The following PTPN13 variants were observed in gnomAD, a reference collection of about 807,000 sequenced individuals.
The protein encoded by PTPN13 is tyrosine-protein phosphatase non-receptor type 13.
A neutral mutation model predicts 284.0 loss-of-function variants in PTPN13; 191 were observed. The observed-to-expected ratio is 0.67, with a 90% CI of 0.60 to 0.76. The LOEUF (loss-of-function observed/expected upper bound fraction) is 0.76, where lower values mean the gene tolerates loss of function less well. PTPN13 is among the 30% of genes least tolerant of loss of function. PTPN13 has a pLI of 0.00. For synonymous variants in PTPN13, 986 were observed against 1,022.3 expected, an observed-to-expected ratio of 0.96 and a Z score of 0.68; for missense variants, 2,797 against 2,939.9, an observed-to-expected ratio of 0.95 and a Z score of 1.12.
chr4:86,652,599 T>C (rs1725224178), intron 2 of PTPN13, among the ~76,000 whole-genome samples: 1 of 152,196 alleles, frequency 6.6e-6, no homozygotes, highest in Admixed American at 6.5e-5. Flanking sequence ...TCCTGGCCTA[T>C]GAGGTGTCCA....
chr4:86,812,371 A>C (rs989074143), intron 47 of PTPN13, among the ~76,000 whole-genome samples: 3 of 152,094 alleles, frequency 2.0e-5, no homozygotes, highest in Non-Finnish European at 4.4e-5. Context: ...TCAGTGAATA[A>C]AACAAAGATC....
chr4:86,621,075 G>A (rs1306923061), intron 1 of PTPN13, among the ~76,000 whole-genome samples: 1 of 152,074 alleles, frequency 6.6e-6, no homozygotes, highest in Non-Finnish European at 1.5e-5. Context: ...TGGATCTTGT[G>A]CTTCCAGTTT....
chr4:86,800,949 A>G (rs1319603845), intron 42 of PTPN13, among the ~76,000 whole-genome samples: 3 of 152,204 alleles, frequency 2.0e-5, no homozygotes, highest in African/African-American at 7.2e-5. Flanking sequence ...TTAACCTTTT[A>G]GGTGTCTTGT....
chr4:86,759,053 CAAAAG>C lies in PTPN13; in HGVS notation c.3540_3544del (p.Glu1180AspfsTer14), dbSNP rs1738356320. The stretch of plus-strand genomic sequence containing the variant: ...GATGTGACACTTGTTATCTCTCAGC[CAAAAG>C]AAAAGATATCCAAAGGTAATGTGAA... On this transcript the variant is annotated frameshift_variant, in exon 23 of 48. Coordinates refer to ENST00000411767, the MANE Select transcript of PTPN13 (RefSeq NM_080683.3). LOFTEE classifies it high-confidence loss of function. 2 of 1,613,140 alleles carry C rather than the reference CAAAAG, an allele frequency of 1.2e-6. No individual in the cohort carries two copies. The highest frequency in any genetic ancestry group is 1.1e-5 in the South Asian group (1 of 90,962).
intron 35 of PTPN13, among the ~76,000 whole-genome samples, chr4:86,778,789 A>T (rs1740938767): frequency 6.6e-6 from 1 of 152,044 alleles, no homozygotes; most frequent in Admixed American, 6.6e-5. Flanking sequence ...AAATTTACAG[A>T]TTTTTTTAAC....
intron 2 of PTPN13, among the ~76,000 whole-genome samples, chr4:86,646,880 A>G (rs1578328539): frequency 6.6e-6 from 1 of 152,230 alleles, no homozygotes; most frequent in South Asian, 2.1e-4. Context: ...GCTACACATC[A>G]ATAAAAAGGA....
At chr4:86,641,158 C>T (rs1288368283) in intron 2 of PTPN13, among the ~76,000 whole-genome samples, 2 of 152,060 alleles carry the variant, frequency 1.3e-5, no homozygotes, top group Admixed American at 6.6e-5. Context: ...ACTCTTGTAA[C>T]GAATTGAAAT....
Position 86,737,229 on chromosome 4 carries a change from C to T in PTPN13, c.2304+1483C>T, listed in dbSNP as rs977655223. The stretch of plus-strand genomic sequence containing the variant: ...TTCCAGCCTAAGTAACAGAACAAGA[C>T]CCCATCTCAAATAAAATAAAATAAA... On this transcript the variant is annotated intron_variant, in intron 15 of 47. Transcript: ENST00000411767. Among the ~76,000 whole-genome samples the T allele has an allele frequency of 2.0e-5, 3 of 148,428 alleles. No individual in the cohort carries two copies. The South Asian group carries it at 6.5e-4, about 32-fold the overall frequency.
chr4:86,633,640 A>G (rs977694914), intron 1 of PTPN13, among the ~76,000 whole-genome samples: 3 of 152,168 alleles, frequency 2.0e-5, no homozygotes, highest in African/African-American at 7.2e-5. Flanking sequence ...TCTCAGACAT[A>G]TTACTTTGGA....
At position 86,750,710 on chromosome 4, in the gene PTPN13, G is replaced by C; in HGVS notation, c.2891G>C (p.Arg964Thr). 6.2e-7 allele frequency: 1 copy of C among 1,613,770 alleles called. No homozygotes were observed. Among genetic ancestry groups the C allele is most frequent in the Non-Finnish European group, 8.5e-7 (1 of 1,179,794 alleles). The change falls in exon 18 of 48, where the codon AGA (arginine) becomes ACA (threonine). Residue 964 changes from arginine (R) to threonine (T), a missense_variant. Arg to Thr is a moderately conservative substitution (Grantham distance 71). Transcript: ENST00000411767. Reference sequence around the variant, plus strand: ...AAAGCTTCATGGGAGGAAAAGCCTAGAGAGATGAGTAAATCATACCATGAT... The same window carrying C: ...AAAGCTTCATGGGAGGAAAAGCCTACAGAGATGAGTAAATCATACCATGAT... ...NDKASWEEKPREMSKSYHDLS... is the reference protein window; with the variant it reads ...NDKASWEEKPTEMSKSYHDLS...
intron 5 of PTPN13, among the ~76,000 whole-genome samples, chr4:86,692,802 A>C (rs1730166399): frequency 6.6e-6 from 1 of 152,160 alleles, no homozygotes. Flanking sequence ...TTTCTCGGCC[A>C]GGCATAGTGG....
intron 12 of PTPN13, among the ~76,000 whole-genome samples, chr4:86,733,352 C>G (rs1202158208): frequency 1.3e-5 from 2 of 152,028 alleles, no homozygotes; most frequent in Non-Finnish European, 2.9e-5. Flanking sequence ...AATTCATCTC[C>G]TTTTTAAATA....
In PTPN13 at chr4:86,814,632, C is replaced by T. The variant is rs967205400; in HGVS notation, c.*81C>T. The T allele has an allele frequency of 1.3e-5, 14 of 1,116,590 alleles. No individual in the cohort carries two copies. The highest frequency in any genetic ancestry group is 3.1e-5 in the African/African-American group (2 of 64,208). 69.2% of individuals were successfully genotyped at this position (1,116,590 alleles called of 1,614,324 possible). ...CCTGCTCTCTATCCAAAATAAAGAT[C>T]ACAGAGCAGCAAGTTCATACAACAT... On this transcript the variant is annotated 3_prime_UTR_variant, in exon 48 of 48. Transcript: ENST00000411767.
chr4:86,735,762 T>G lies in PTPN13; in HGVS notation c.2304+16T>G. On this transcript the variant is annotated intron_variant, in intron 15 of 47. Coordinates refer to ENST00000411767, the MANE Select transcript of PTPN13 (RefSeq NM_080683.3). ...ATTTTTAAAGGTAAGCATCCAAGAT[T>G]ACAAATGATAAGCTTTGTATCTTTT... The G allele has an allele frequency of 6.2e-7, 1 of 1,601,162 alleles. No individual in the cohort carries two copies. The highest frequency in any genetic ancestry group is 8.5e-7 in the Non-Finnish European group (1 of 1,174,548).
intron 1 of PTPN13, among the ~76,000 whole-genome samples, chr4:86,603,292 T>C (rs1764470878): frequency 6.8e-6 from 1 of 147,886 alleles, no homozygotes; most frequent in African/African-American, 2.5e-5. Context: ...TTTACCCTTC[T>C]GAAGTGTCTA....
At chr4:86,618,999 C>G (rs1025020440) in intron 1 of PTPN13, among the ~76,000 whole-genome samples, 4 of 152,124 alleles carry the variant, frequency 2.6e-5, no homozygotes, top group African/African-American at 9.7e-5. Context: ...GCATCCCTGT[C>G]TTGTGCCAGT....
intron 1 of PTPN13, among the ~76,000 whole-genome samples, chr4:86,612,423 T>G (rs1406322404): frequency 6.6e-6 from 1 of 152,184 alleles, no homozygotes; most frequent in Non-Finnish European, 1.5e-5. Context: ...GAACAGAATA[T>G]CTGAGCTGTG....
intron 1 of PTPN13, among the ~76,000 whole-genome samples, chr4:86,627,592 A>C (rs957393771): frequency 2.0e-5 from 3 of 151,986 alleles, no homozygotes; most frequent in Non-Finnish European, 2.9e-5. Flanking sequence ...TAATTTGTTA[A>C]GTTTTGACAT....
chr4:86,639,263 A>C (rs866563883), intron 2 of PTPN13, among the ~76,000 whole-genome samples: 1 of 151,634 alleles, frequency 6.6e-6, no homozygotes, highest in Non-Finnish European at 1.5e-5. Context: ...GTGGAAGTCA[A>C]TGTGGCGATT....
Sources: allele counts gnomAD v4.1 joint callset (sites outside exome capture counted in the v4.1 genomes callset), GRCh38; gene constraint gnomAD v4.1.1; transcripts MANE v1.5; gene names NCBI Gene and HGNC (gene_info 2026-07-23, HGNC 2026-07-21).